Variants in CCSER1 observed in about 807,000 individuals in gnomAD.
CCSER1 encodes the protein serine-rich coiled-coil domain-containing protein 1.
Under a neutral mutation model 82.0 loss-of-function variants are expected in CCSER1, and 41 were observed. The ratio of observed to expected loss-of-function variants is 0.50; its 90% CI spans 0.39 to 0.65. The LOEUF is 0.65. Among genes scored for constraint, CCSER1 ranks in the 30% least tolerant of loss-of-function variants. CCSER1 has a pLI of 0.00. For synonymous variants in CCSER1, 414 were observed against 383.9 expected (o/e 1.08, Z -0.92); for missense variants, 1,119 against 1,064.2 (o/e 1.05, Z -0.72).
intron 9 of CCSER1, among the ~76,000 whole-genome samples, chr4:91,036,322 T>G (rs1244740478): frequency 6.6e-6 from 1 of 152,312 alleles, no homozygotes; most frequent in East Asian, 1.9e-4. Flanking sequence ...ATTTGATGAT[T>G]AATTTTGTGA....
At chr4:91,546,977 T>C (rs565654319) in intron 10 of CCSER1, among the ~76,000 whole-genome samples, 1 of 151,176 alleles carries the variant, frequency 6.6e-6, no homozygotes, top group South Asian at 2.1e-4. Context: ...GTTTTCTTTT[T>C]TTTTTTTTTT....
intron 5 of CCSER1, among the ~76,000 whole-genome samples, chr4:90,543,256 A>G (rs1036047625): frequency 5.9e-5 from 9 of 152,172 alleles, no homozygotes; most frequent in Non-Finnish European, 1.2e-4. Flanking sequence ...ACCTAAAAAC[A>G]CACTGAGTTA....
chr4:90,644,909 C>T (rs1440649849), intron 6 of CCSER1, among the ~76,000 whole-genome samples: 2 of 150,930 alleles, frequency 1.3e-5, no homozygotes, highest in Non-Finnish European at 1.5e-5. Context: ...TGATGAAACC[C>T]CATCTCCACC....
chr4:90,859,728 C>T (rs1172250315), intron 8 of CCSER1, among the ~76,000 whole-genome samples: 1 of 151,478 alleles, frequency 6.6e-6, no homozygotes. Flanking sequence ...TTAAGTGTAC[C>T]AAAGCAGATG....
chr4:90,705,906 G>C (rs146920390), intron 6 of CCSER1, among the ~76,000 whole-genome samples: 1 of 152,170 alleles, frequency 6.6e-6, no homozygotes, highest in Non-Finnish European at 1.5e-5. Flanking sequence ...GGAATTCCCT[G>C]ACCCCTTGCA....
chr4:91,196,102 G>A (rs75905279), intron 10 of CCSER1, among the ~76,000 whole-genome samples: 1 of 150,820 alleles, frequency 6.6e-6, no homozygotes, highest in African/African-American at 2.5e-5. Context: ...CAGGAGAATG[G>A]CATGAACCCG....
In CCSER1 at chr4:91,138,969, G is replaced by A. The variant is rs1342166506; in HGVS notation, c.2217+52975G>A. On this transcript the variant is annotated intron_variant, in intron 10 of 10. Transcript: ENST00000509176. ...TGATGCTGAGGTTTGGGCTATGAAT[G>A]ATCTGTCACCCAGGTGGTGAGCATA... is the stretch of plus-strand genomic sequence containing the variant. Among the ~76,000 whole-genome samples, 3 of 152,162 alleles carry A rather than the reference G, an allele frequency of 2.0e-5. No homozygotes were observed. In the South Asian group the frequency reaches 6.2e-4, roughly 32 times the overall value.
intron 3 of CCSER1, among the ~76,000 whole-genome samples, chr4:90,389,126 TG>T (rs1448631937): frequency 2.0e-5 from 3 of 152,232 alleles, no homozygotes; most frequent in African/African-American, 7.2e-5. Context: ...ATTAACATTA[TG>T]GCCACTGGTT....
chr4:90,534,411 G>T (rs1775021764), intron 5 of CCSER1, among the ~76,000 whole-genome samples: 1 of 151,878 alleles, frequency 6.6e-6, no homozygotes, highest in South Asian at 2.1e-4. Flanking sequence ...TTACAGGCGT[G>T]AGCCACCGAG....
At chr4:91,200,002 C>A (rs1300570208) in intron 10 of CCSER1, among the ~76,000 whole-genome samples, 1 of 151,558 alleles carries the variant, frequency 6.6e-6, no homozygotes, top group Non-Finnish European at 1.5e-5. Flanking sequence ...TTAAAACATT[C>A]AAAAAACTAT....
intron 5 of CCSER1, among the ~76,000 whole-genome samples, chr4:90,477,028 G>T (rs1349889601): frequency 6.6e-6 from 1 of 152,010 alleles, no homozygotes; most frequent in Admixed American, 6.6e-5. Flanking sequence ...CCATTGTTTT[G>T]AAAGTAGCTC....
intron 5 of CCSER1, among the ~76,000 whole-genome samples, chr4:90,483,406 C>A (rs992411536): frequency 5.9e-5 from 9 of 152,108 alleles, no homozygotes; most frequent in African/African-American, 2.2e-4. Flanking sequence ...TGAATTTGAT[C>A]CTGTCATTAT....
At chr4:90,927,762 G>A (rs1025116340) in intron 9 of CCSER1, among the ~76,000 whole-genome samples, 13 of 151,952 alleles carry the variant, frequency 8.6e-5, no homozygotes, top group Non-Finnish European at 1.6e-4. Context: ...TGCTCCTGGC[G>A]CAGTTTGCAG....
At chr4:91,473,099 G>A (rs1052708620) in intron 10 of CCSER1, among the ~76,000 whole-genome samples, 5 of 152,134 alleles carry the variant, frequency 3.3e-5, no homozygotes, top group African/African-American at 1.2e-4. Context: ...ATGGTATTAG[G>A]GGGAACATAA....
At chr4:90,372,429 G>C (rs1747597119) in intron 3 of CCSER1, among the ~76,000 whole-genome samples, 1 of 152,138 alleles carries the variant, frequency 6.6e-6, no homozygotes, top group African/African-American at 2.4e-5. Flanking sequence ...TTGGAGCATG[G>C]TGTGAGAGAT....
intron 6 of CCSER1, among the ~76,000 whole-genome samples, chr4:90,637,746 A>G (rs1169332929): frequency 1.3e-5 from 2 of 152,158 alleles, no homozygotes; most frequent in African/African-American, 4.8e-5. Flanking sequence ...AGGCCTACTA[A>G]AAATTCTTGC....
intron 5 of CCSER1, among the ~76,000 whole-genome samples, chr4:90,610,251 TCAAATAAA>T (rs1328435171): frequency 1.8e-5 from 2 of 111,148 alleles, no homozygotes; most frequent in Admixed American, 1.0e-4. Context: ...AGACTCCATC[TCAAATAAA>T]TAAATAAATA....
At chr4:91,294,578 G>T (rs1481288910) in intron 10 of CCSER1, among the ~76,000 whole-genome samples, 1 of 151,776 alleles carries the variant, frequency 6.6e-6, no homozygotes, top group Non-Finnish European at 1.5e-5. Flanking sequence ...CCTTCTGGAG[G>T]TTTGAAGGAG....
intron 1 of CCSER1, among the ~76,000 whole-genome samples, chr4:90,290,460 T>C (rs1730708029): frequency 6.6e-6 from 1 of 151,954 alleles, no homozygotes; most frequent in Non-Finnish European, 1.5e-5. Context: ...TGTTGTATGA[T>C]ATTCTTTCTC....
Sources: allele counts gnomAD v4.1 joint callset (sites outside exome capture counted in the v4.1 genomes callset), GRCh38; gene constraint gnomAD v4.1.1; transcripts MANE v1.5; gene names NCBI Gene and HGNC (gene_info 2026-07-23, HGNC 2026-07-21).